Variants in DYRK1A observed in about 807,000 individuals in gnomAD.
DYRK1A encodes the protein dual specificity tyrosine-phosphorylation-regulated kinase 1A.
In DYRK1A, 9 loss-of-function variants were observed where a neutral mutation model predicts 79.7. That is an observed-to-expected ratio of 0.11 (90% CI 0.07 to 0.20). DYRK1A has a LOEUF of 0.20. Ranked by LOEUF, DYRK1A falls within the 10% of genes least tolerant of loss-of-function variation. DYRK1A has a pLI of 1.00. For synonymous variants in DYRK1A, 349 were observed against 329.7 expected (o/e 1.06, Z -0.63); for missense variants, 622 against 956.0 (o/e 0.65, Z 4.61).
At chr21:37,406,825 GTAAT>G (rs1360438492) in intron 1 of DYRK1A, among the ~76,000 whole-genome samples, 7 of 142,564 alleles carry the variant, frequency 4.9e-5, no homozygotes, top group Admixed American at 4.8e-4. Flanking sequence ...ATTTATATAT[GTAAT>G]TATATATATA....
intron 1 of DYRK1A, among the ~76,000 whole-genome samples, chr21:37,380,195 T>C (rs2049628231): frequency 6.6e-6 from 1 of 152,234 alleles, no homozygotes; most frequent in Non-Finnish European, 1.5e-5. Flanking sequence ...AAATACTGTC[T>C]GTTGAAAAAT....
chr21:37,366,403 C>G (rs2049305030), upstream of DYRK1A, among the ~76,000 whole-genome samples: 1 of 145,546 alleles, frequency 6.9e-6, no homozygotes, highest in African/African-American at 2.5e-5. Context: ...GCAGTCGGCG[C>G]GGGCGCGGGG....
rs888430204 is a variant in DYRK1A, at chr21:37,486,823, C to T, written c.637+209C>T. 1.0e-5 allele frequency: 4 copies of T among 391,786 alleles called. No homozygotes were observed. The East Asian group carries it at 1.2e-4, about 12-fold the overall frequency. The allele number at this position is 391,786 out of a possible 1,614,324, so 24.3% of individuals were successfully genotyped here. On this transcript the variant is annotated intron_variant, in intron 6 of 11. Transcript: ENST00000647188. ...GGAATGTGCCTTCCATGTAGCATAC[C>T]ATGTAGAAACAAATGAGAATAGTGT...
Position 37,520,891 on chromosome 21 carries a change from A to G in DYRK1A, c.*8360A>G, listed in dbSNP as rs539212488. On this transcript the variant is annotated 3_prime_UTR_variant, in exon 12 of 12. Coordinates refer to ENST00000647188, the MANE Select transcript of DYRK1A (RefSeq NM_001347721.2). ...TGGATTCCTCCAGGACTGCTACTGT[A>G]TTCCAATTGAGTGGTGGTTTGCTCT... 3.3e-5 allele frequency: 5 copies of G among 152,234 alleles called. No individual in the cohort carries two copies. The highest frequency in any genetic ancestry group is 1.2e-4 in the African/African-American group (5 of 41,446). The allele number at this position is 152,234 out of a possible 1,614,324, so 9.4% of individuals were successfully genotyped here.
chr21:37,472,630 A>T (rs926715780), intron 2 of DYRK1A, 54 bp from the exon 3 acceptor site: 1 of 1,394,334 alleles, frequency 7.2e-7, no homozygotes, highest in East Asian at 2.4e-5. Flanking sequence ...ATGTCAAATG[A>T]TACAAACATT....
Position 37,506,175 on chromosome 21 carries a change from C to T in DYRK1A, c.1596C>T (p.His532=), listed in dbSNP as rs776587410. 3 of 1,614,208 alleles carry T rather than the reference C, an allele frequency of 1.9e-6. No individual in the cohort carries two copies. The highest frequency in any genetic ancestry group is 2.2e-5 in the South Asian group (2 of 91,076). Residue 532 remains histidine, a synonymous_variant, in exon 11 of 12, where the codon CAC becomes CAT. Coordinates refer to ENST00000647188, the MANE Select transcript of DYRK1A (RefSeq NM_001347721.2). The part of the protein sequence containing the change: ...PTHQHRHSGG[H]FTAAVQAMDC... ...ACCAGCATCGGCACAGTGGTGGGCACTTCACAGCTGCCGTGCAGGCCATGG... is the reference window on the plus strand; with the variant it reads ...ACCAGCATCGGCACAGTGGTGGGCATTTCACAGCTGCCGTGCAGGCCATGG...
intron 11 of DYRK1A, among the ~76,000 whole-genome samples, chr21:37,507,529 CT>C (rs1189935416): frequency 1.3e-5 from 2 of 152,096 alleles, no homozygotes; most frequent in Non-Finnish European, 2.9e-5. Flanking sequence ...CAGCGGTGAC[CT>C]TTATTCATGG....
chr21:37,451,530 G>A (rs548544059), intron 2 of DYRK1A, among the ~76,000 whole-genome samples: 69 of 152,178 alleles, frequency 4.5e-4, no homozygotes, highest in Non-Finnish European at 7.8e-4. Context: ...CAGCACGGCT[G>A]AACAGGTTTG....
At chr21:37,450,344 A>G (rs1244737767) in intron 2 of DYRK1A, among the ~76,000 whole-genome samples, 1 of 152,152 alleles carries the variant, frequency 6.6e-6, no homozygotes, top group Non-Finnish European at 1.5e-5. Context: ...CTATGTGGGA[A>G]CCTTTTTCAT....
chr21:37,381,256 T>C (rs1055710795), intron 1 of DYRK1A, among the ~76,000 whole-genome samples: 3 of 152,182 alleles, frequency 2.0e-5, no homozygotes, highest in African/African-American at 7.2e-5. Flanking sequence ...GCAGGAAATA[T>C]GAGAGCTTTG....
At chr21:37,487,505 A>G (rs1357489468) in intron 6 of DYRK1A, 1 of 152,204 alleles carries the variant, frequency 6.6e-6, no homozygotes, top group Non-Finnish European at 1.5e-5. Context: ...AAAACTGTTA[A>G]GTATTCATAT....
At chr21:37,388,441 T>C (rs1011292027) in intron 1 of DYRK1A, among the ~76,000 whole-genome samples, 1 of 152,146 alleles carries the variant, frequency 6.6e-6, no homozygotes, top group Non-Finnish European at 1.5e-5. Context: ...TTTGAAAATT[T>C]TAATGTGTAT....
In DYRK1A at chr21:37,378,668, G is replaced by T. The variant is rs113863072; in HGVS notation, c.-77+11040G>T. 6.3e-3 allele frequency among the ~76,000 whole-genome samples: 956 copies of T among 152,330 alleles called. 12 individuals are homozygous for T. The highest frequency in any genetic ancestry group is 0.022 in the African/African-American group (908 of 41,578). On this transcript the variant is annotated intron_variant, in intron 1 of 11. Transcript: ENST00000647188. ...TTCTTCTTCAATTGAGTGAACATTT[G>T]CATGTCCTCTGTATGAGATATGAGT...
At chr21:37,457,323 C>T (rs1330256785) in intron 2 of DYRK1A, among the ~76,000 whole-genome samples, 2 of 152,298 alleles carry the variant, frequency 1.3e-5, no homozygotes, top group East Asian at 3.9e-4. Context: ...ACCTCCACCT[C>T]CCGGGTTCAA....
At chr21:37,428,207 G>A (rs2050680447) in intron 2 of DYRK1A, among the ~76,000 whole-genome samples, 1 of 152,116 alleles carries the variant, frequency 6.6e-6, no homozygotes, top group African/African-American at 2.4e-5. Flanking sequence ...CTTATTGCTG[G>A]TACATTTTCC....
chr21:37,500,017 G>A (rs1270553436), intron 9 of DYRK1A, among the ~76,000 whole-genome samples: 3 of 152,318 alleles, frequency 2.0e-5, no homozygotes, highest in Admixed American at 2.0e-4. Context: ...GCTTGAGTAT[G>A]TGTGGATTTC....
In DYRK1A at chr21:37,397,140, C is replaced by T. The variant is rs1334671601; in HGVS notation, c.-76-23159C>T. Among the ~76,000 whole-genome samples the T allele has an allele frequency of 2.0e-5, 3 of 152,264 alleles. No individual in the cohort carries two copies. In the South Asian group the frequency reaches 6.2e-4, roughly 32 times the overall value. On this transcript the variant is annotated intron_variant, in intron 1 of 11. Coordinates refer to ENST00000647188, the MANE Select transcript of DYRK1A (RefSeq NM_001347721.2). ...TCACATTCTTTCCATGCGAACTTAGCCACATGGCCATACCCAGCCACAAGG... is the reference window on the plus strand; with the variant it reads ...TCACATTCTTTCCATGCGAACTTAGTCACATGGCCATACCCAGCCACAAGG...
intron 8 of DYRK1A, among the ~76,000 whole-genome samples, chr21:37,495,218 C>A (rs1344742695): frequency 3.4e-5 from 5 of 147,724 alleles, no homozygotes; most frequent in African/African-American, 1.3e-4. Flanking sequence ...TTAACATGCT[C>A]TGAAAACTGG....
chr21:37,505,230 T>C, intron 9 of DYRK1A, 53 bp from the exon 10 acceptor site: 1 of 1,365,416 alleles, frequency 7.3e-7, no homozygotes, highest in Middle Eastern at 1.9e-4. Context: ...ATTATGTGAG[T>C]GTTTACGTAT....
Sources: gnomAD v4.1 joint callset for allele counts (sites outside exome capture counted in the v4.1 genomes callset) on GRCh38, gnomAD v4.1.1 for gene constraint, MANE v1.5 for transcripts, NCBI Gene and HGNC (gene_info 2026-07-23, HGNC 2026-07-21) for gene names.